The following ZNF548 variants were observed in gnomAD, a reference collection of about 807,000 sequenced individuals.
ZNF548 encodes zinc finger protein 548.
Under a neutral mutation model 10.2 loss-of-function variants are expected in ZNF548, and 10 were observed. The ratio of observed to expected loss-of-function variants is 0.98; its 90% CI spans 0.60 to 1.66. The LOEUF (loss-of-function observed/expected upper bound fraction) is 1.66, where lower values mean the gene tolerates loss of function less well. Among genes scored for constraint, ZNF548 ranks in the 40% most tolerant of loss-of-function variants. The pLI, the probability that ZNF548 is intolerant of heterozygous loss-of-function variation, is 0.00. For missense variants in ZNF548, 599 were observed against 657.0 expected (o/e 0.91, Z 0.97); for synonymous variants, 217 against 223.5 (o/e 0.97, Z 0.26).
At chr19:57,393,676 AGAGGGGAGGGGAGGGGAGGGCAGAG>A (rs1568531225) in intron 1 of ZNF548, among the ~76,000 whole-genome samples, 1 of 73,078 alleles carries the variant, frequency 1.4e-5, no homozygotes, top group Non-Finnish European at 2.5e-5. Context: ...AGAGGAGAGG[AGAGGGGAGGGGAGGGGAGGGCAGAG>A]GAGGGGAGGG....
In ZNF548 at chr19:57,389,968, A is replaced by T. The variant is rs1367629206; in HGVS notation, c.-132A>T. 1 of 1,178,158 alleles carries T rather than the reference A, an allele frequency of 8.5e-7. No homozygotes were observed. The highest frequency in any genetic ancestry group is 1.7e-5 in the South Asian group (1 of 60,026). 73.0% of individuals were successfully genotyped at this position (1,178,158 alleles called of 1,614,324 possible). On this transcript the variant is annotated 5_prime_UTR_variant, in exon 1 of 4. Coordinates refer to ENST00000336128, the MANE Select transcript of ZNF548 (RefSeq NM_001172773.2). The stretch of plus-strand genomic sequence containing the variant: ...AAGTGACGGAACGGAAAAGCGCGAG[A>T]AGCGGCTCGGTTCCCACCACGGAGA...
At position 57,398,361 on chromosome 19, in the gene ZNF548, C is replaced by T. The variant is rs184154806; in HGVS notation, c.179-69C>T. On this transcript the variant is annotated intron_variant, in intron 3 of 3. Transcript: ENST00000336128. ...CTTATTTGTGTGTGTGCCTGACACA[C>T]ATTTGTGATGGAGCTGCTTCCTCCC... is the stretch of plus-strand genomic sequence containing the variant. 7 of 1,575,242 alleles carry T rather than the reference C, an allele frequency of 4.4e-6. No homozygotes were observed. In the East Asian group the frequency reaches 9.0e-5, roughly 20 times the overall value.
In ZNF548 at chr19:57,395,576, T is replaced by C. The variant is rs2088659007; in HGVS notation, c.51+1353T>C. Among the ~76,000 whole-genome samples, 1 of 151,666 alleles carries C rather than the reference T, an allele frequency of 6.6e-6. No individual in the cohort carries two copies. Reference sequence around the variant, plus strand: ...GATGGAGCAGGAGAGAGGGAGAGAATGAAGGGGGAAGAGCCAAACACTTTT... The same window carrying C: ...GATGGAGCAGGAGAGAGGGAGAGAACGAAGGGGGAAGAGCCAAACACTTTT... On this transcript the variant is annotated intron_variant, in intron 2 of 3. Transcript: ENST00000336128. The surrounding 1 kb of genome is among the most constrained non-coding windows in gnomAD (Gnocchi z 4.8).
Position 57,402,697 on chromosome 19 carries a change from C to T in ZNF548, c.*2808C>T, listed in dbSNP as rs1248954483. 1 of 152,194 alleles carries T rather than the reference C, an allele frequency of 6.6e-6. No homozygotes were observed. Among genetic ancestry groups the T allele is most frequent in the Admixed American group, 6.5e-5 (1 of 15,278 alleles). 9.4% of individuals were successfully genotyped at this position (152,194 alleles called of 1,614,324 possible). A position where few individuals can be genotyped will look rare whatever the true frequency, so the allele number is the denominator to read the frequency against. On this transcript the variant is annotated 3_prime_UTR_variant, in exon 4 of 4. Transcript: ENST00000336128. ...AGAAAAGTAGAAGTGAAGGCAATGT[C>T]ATCTTTCCTTGTTAACATGATAACT...
intron 2 of ZNF548, among the ~76,000 whole-genome samples, chr19:57,396,733 T>C (rs978130041): frequency 6.6e-6 from 1 of 152,188 alleles, no homozygotes; most frequent in African/African-American, 2.4e-5. Flanking sequence ...ACGGACGCTA[T>C]TGGGGTTTCC....
chr19:57,402,876 C>T lies in ZNF548; in HGVS notation c.*2987C>T, dbSNP rs2088728391. ...GTTGCAGTTTTCAACTTGACTGGGGCCTTTCCCAGAGTTATGCCCCTGCCA... is the reference window on the plus strand; with the variant it reads ...GTTGCAGTTTTCAACTTGACTGGGGTCTTTCCCAGAGTTATGCCCCTGCCA... On this transcript the variant is annotated 3_prime_UTR_variant, in exon 4 of 4. Coordinates refer to ENST00000336128, the MANE Select transcript of ZNF548 (RefSeq NM_001172773.2). 1 of 152,168 alleles carries T rather than the reference C, an allele frequency of 6.6e-6. No homozygotes were observed. The highest frequency in any genetic ancestry group is 2.1e-4 in the South Asian group (1 of 4,822). 9.4% of individuals were successfully genotyped at this position (152,168 alleles called of 1,614,324 possible).
At chr19:57,396,617 G>C (rs2088666901) in intron 2 of ZNF548, among the ~76,000 whole-genome samples, 1 of 152,220 alleles carries the variant, frequency 6.6e-6, no homozygotes, top group Non-Finnish European at 1.5e-5. Context: ...TTTATTCCTT[G>C]CATTTCCCCA....
At chr19:57,396,886 T>G in intron 2 of ZNF548, 162 bp from the exon 3 acceptor site, 1 of 1,065,366 alleles carries the variant, frequency 9.4e-7, no homozygotes, top group Non-Finnish European at 1.3e-6. Context: ...TTGGCTTGGT[T>G]TGAGAATATG....
intron 1 of ZNF548, among the ~76,000 whole-genome samples, chr19:57,391,148 C>T (rs545567090): frequency 1.3e-5 from 2 of 151,692 alleles, no homozygotes; most frequent in African/African-American, 4.9e-5. Context: ...CAATGTTTGT[C>T]ATTCCACACT....
At chr19:57,391,789 GTTTTTTTTTT>G (rs71186258) in intron 1 of ZNF548, among the ~76,000 whole-genome samples, 3 of 93,586 alleles carry the variant, frequency 3.2e-5, no homozygotes, top group South Asian at 4.2e-4. Context: ...TGTGCTTACT[GTTTTTTTTTT>G]TTTTTTTTTT....
intron 1 of ZNF548, among the ~76,000 whole-genome samples, chr19:57,391,247 A>T (rs1035289744): frequency 6.6e-6 from 1 of 150,558 alleles, no homozygotes; most frequent in Non-Finnish European, 1.5e-5. Context: ...GTTTCATTTA[A>T]TAATGGCCTC....
At position 57,390,093 on chromosome 19, in the gene ZNF548, C is replaced by G; in HGVS notation, c.-7C>G. The G allele has an allele frequency of 1.9e-6, 3 of 1,609,172 alleles. No individual in the cohort carries two copies. Among genetic ancestry groups the G allele is most frequent in the Non-Finnish European group, 2.5e-6 (3 of 1,179,472 alleles). On this transcript the variant is annotated 5_prime_UTR_variant, in exon 1 of 4. Coordinates refer to ENST00000336128, the MANE Select transcript of ZNF548 (RefSeq NM_001172773.2). ...CTTCCCTGGCTGGGCTGGCGGAGGC[C>G]TTGCTGATGAACCTGACTGAGGTGG...
intron 1 of ZNF548, among the ~76,000 whole-genome samples, chr19:57,391,433 C>T (rs2088624180): frequency 1.3e-5 from 2 of 151,682 alleles, no homozygotes; most frequent in South Asian, 4.1e-4. Context: ...GATAAAAATA[C>T]ATGTTTTTTT....
Position 57,390,047 on chromosome 19 carries a change from CT to C in ZNF548, c.-50del. 6.2e-7 allele frequency: 1 copy of C among 1,602,094 alleles called. No homozygotes were observed. On this transcript the variant is annotated 5_prime_UTR_variant, in exon 1 of 4. Transcript: ENST00000336128. ...GGGGACAGTGGCGTCCTTGTCTTGC[CT>C]TTGTCGCTCCCGCCCCGCTCTTCCC...
At chr19:57,391,245 T>A (rs2088621991) in intron 1 of ZNF548, among the ~76,000 whole-genome samples, 1 of 152,054 alleles carries the variant, frequency 6.6e-6, no homozygotes, top group South Asian at 2.1e-4. Context: ...TTGTTTCATT[T>A]AATAATGGCC....
At position 57,397,042 on chromosome 19, in the gene ZNF548, TG is replaced by T; in HGVS notation, c.52-4del. ...GCTTATGTATTCATCTTTCCCAATT[TG>T]GCAGGGCCGTGTGGTCTTTGAGGAC... is the stretch of plus-strand genomic sequence containing the variant. On this transcript the variant is annotated splice_polypyrimidine_tract_variant and splice_region_variant and intron_variant, in intron 2 of 3. Coordinates refer to ENST00000336128, the MANE Select transcript of ZNF548 (RefSeq NM_001172773.2). 1 of 1,602,114 alleles carries T rather than the reference TG, an allele frequency of 6.2e-7. No homozygotes were observed. Among genetic ancestry groups the T allele is most frequent in the Non-Finnish European group, 8.5e-7 (1 of 1,176,342 alleles).
intron 3 of ZNF548, 57 bp from the exon 4 acceptor site, chr19:57,398,371 GGA>G: frequency 6.3e-7 from 1 of 1,581,434 alleles, no homozygotes. Context: ...CATTTGTGAT[GGA>G]GCTGCTTCCT....
At chr19:57,393,157 G>C (rs943313513) in intron 1 of ZNF548, among the ~76,000 whole-genome samples, 1 of 152,102 alleles carries the variant, frequency 6.6e-6, no homozygotes, top group Non-Finnish European at 1.5e-5. Flanking sequence ...TCCAGCCAAG[G>C]TCTCCTGGCA....
Position 57,399,250 on chromosome 19 carries a change from C to T in ZNF548, c.999C>T (p.Ser333=), listed in dbSNP as rs1464571419. The change falls in exon 4 of 4, where the codon AGC becomes AGT. Residue 333 remains serine (S), a synonymous_variant. Coordinates refer to ENST00000336128, the MANE Select transcript of ZNF548 (RefSeq NM_001172773.2). The surrounding 1 kb of genome is among the most constrained non-coding windows in gnomAD (Gnocchi z 4.0). ...AATGTGGGAAATTCTTTATGGACAG[C>T]TCCACACTCATTAAACATCAGAGAG... ...CRECGKFFMD[S]STLIKHQRVH... The T allele has an allele frequency of 5.6e-6, 9 of 1,613,972 alleles. No homozygotes were observed. The highest frequency in any genetic ancestry group is 1.7e-5 in the Admixed American group (1 of 60,010).
Sources: gnomAD v4.1 joint callset for allele counts (sites outside exome capture counted in the v4.1 genomes callset) on GRCh38, gnomAD v4.1.1 for gene constraint, Gnocchi (gnomAD v3.1) non-coding constraint, MANE v1.5 for transcripts, NCBI Gene and HGNC (gene_info 2026-07-23, HGNC 2026-07-21) for gene names.